Variants in NRXN3 observed in about 807,000 individuals in gnomAD.
The protein encoded by NRXN3 is neurexin III.
A neutral mutation model predicts 137.6 loss-of-function variants in NRXN3; 32 were observed. The observed-to-expected ratio is 0.23, with a 90% CI of 0.18 to 0.31. The LOEUF (loss-of-function observed/expected upper bound fraction) is 0.31, where lower values mean the gene tolerates loss of function less well. Among genes scored for constraint, NRXN3 ranks in the 10% least tolerant of loss-of-function variants. The pLI is 1.00. For synonymous variants in NRXN3, 798 were observed against 784.5 expected, an observed-to-expected ratio of 1.02 and a Z score of -0.29; for missense variants, 1,574 against 2,062.5, an observed-to-expected ratio of 0.76 and a Z score of 4.59.
chr14:79,219,900 T>C (rs760893506), intron 15 of NRXN3, among the ~76,000 whole-genome samples: 2 of 152,200 alleles, frequency 1.3e-5, no homozygotes, highest in Non-Finnish European at 2.9e-5. Context: ...AGATAAACAC[T>C]ATCTTTCAGA....
intron 8 of NRXN3, among the ~76,000 whole-genome samples, chr14:78,801,667 C>G (rs1266010193): frequency 6.6e-6 from 1 of 152,204 alleles, no homozygotes; most frequent in Non-Finnish European, 1.5e-5. Context: ...CAAACCACAT[C>G]AGATGTTTCT....
intron 15 of NRXN3, among the ~76,000 whole-genome samples, chr14:79,290,534 A>C (rs556594533): frequency 1.2e-4 from 19 of 152,282 alleles, no homozygotes; most frequent in African/African-American, 4.6e-4. Context: ...GTTGCAGCAC[A>C]GTCAACTCAT....
rs2099414484 is a variant in NRXN3 at position 79,861,924 on chromosome 14, A to G, written c.4676A>G (p.His1559Arg). 2 of 1,613,792 alleles carry G rather than the reference A, an allele frequency of 1.2e-6. No homozygotes were observed. Among genetic ancestry groups the G allele is most frequent in the South Asian group, 1.1e-5 (1 of 91,044 alleles). ...KEKQQSSKSG[H>R]KKQKNKDREY... The stretch of plus-strand genomic sequence containing the variant: ...AAGCAGCAGAGCTCGAAGAGCGGCC[A>G]CAAGAAACAGAAAAACAAGGACAGG... Residue 1559 changes from histidine (H) to arginine (R), a missense_variant, in exon 21 of 21, where the codon CAC (histidine) becomes CGC (arginine). His to Arg is a conservative substitution (Grantham distance 29). Transcript: ENST00000335750. This position sits in a 1 kb window ranked among gnomAD's most constrained non-coding sequence, Gnocchi z 5.4.
At chr14:78,956,740 G>A (rs776025344) in intron 10 of NRXN3, among the ~76,000 whole-genome samples, 4 of 152,162 alleles carry the variant, frequency 2.6e-5, no homozygotes, top group Admixed American at 2.6e-4. Context: ...AGGACCCTGT[G>A]TTAATGGAAA....
chr14:79,577,609 A>G (rs1298812992), intron 16 of NRXN3, among the ~76,000 whole-genome samples: 1 of 152,190 alleles, frequency 6.6e-6, no homozygotes, highest in African/African-American at 2.4e-5. Context: ...TACAGTGACT[A>G]TGTATATGTG....
intron 10 of NRXN3, among the ~76,000 whole-genome samples, chr14:78,899,290 A>G (rs2099188015): frequency 6.6e-6 from 1 of 152,014 alleles, no homozygotes; most frequent in Non-Finnish European, 1.5e-5. Flanking sequence ...GACATGAAAT[A>G]GAATCTATCA....
chr14:79,750,276 A>T (rs930546295), intron 19 of NRXN3, among the ~76,000 whole-genome samples: 1 of 152,084 alleles, frequency 6.6e-6, no homozygotes, highest in Non-Finnish European at 1.5e-5. Context: ...TAATAAGACA[A>T]TTTATTTCTA....
At chr14:79,158,823 A>G (rs1229971348) in intron 15 of NRXN3, among the ~76,000 whole-genome samples, 9 of 151,850 alleles carry the variant, frequency 5.9e-5, no homozygotes, top group Admixed American at 5.3e-4. Flanking sequence ...TCTTTTTGAC[A>G]TTATTACCTG....
intron 16 of NRXN3, among the ~76,000 whole-genome samples, chr14:79,631,501 G>T (rs931224122): frequency 3.3e-5 from 5 of 152,216 alleles, no homozygotes; most frequent in Non-Finnish European, 7.3e-5. Flanking sequence ...TCGCTGGCAG[G>T]CAAGGGTTCG....
At chr14:79,631,426 G>T (rs1462995343) in intron 16 of NRXN3, among the ~76,000 whole-genome samples, 1 of 152,258 alleles carries the variant, frequency 6.6e-6, no homozygotes, top group Non-Finnish European at 1.5e-5. Flanking sequence ...GCCAAGGCCT[G>T]CCCTCTGCTG....
At chr14:78,936,958 C>T (rs958898983) in intron 10 of NRXN3, among the ~76,000 whole-genome samples, 2 of 151,980 alleles carry the variant, frequency 1.3e-5, no homozygotes, top group Non-Finnish European at 2.9e-5. Flanking sequence ...AAGTGGCTCA[C>T]GCCTGTAATC....
chr14:79,857,696 A>C (rs1156289865), intron 20 of NRXN3, among the ~76,000 whole-genome samples: 1 of 152,110 alleles, frequency 6.6e-6, no homozygotes, highest in Admixed American at 6.5e-5. Context: ...GGCATTTTTC[A>C]TGTTTACAGT....
rs1594910138 is a variant in NRXN3, at chr14:79,013,497, T to C, written c.3262+25356T>C. On this transcript the variant is annotated intron_variant, in intron 15 of 20. Coordinates refer to ENST00000335750, the MANE Select transcript of NRXN3 (RefSeq NM_001330195.2). ...TGGGTAGACAATGCCCTCACAGGGG[T>C]TATTAACTTCTCCCAGAGAAGCTTT... Among the ~76,000 whole-genome samples, 4 of 152,186 alleles carry C rather than the reference T, an allele frequency of 2.6e-5. 1 individual carries two copies. The South Asian group carries it at 8.3e-4, about 32-fold the overall frequency.
intron 15 of NRXN3, among the ~76,000 whole-genome samples, chr14:79,116,021 A>G (rs1195987974): frequency 6.6e-6 from 1 of 152,212 alleles, no homozygotes; most frequent in East Asian, 1.9e-4. Context: ...AAGGTCACCT[A>G]GATCACAACT....
chr14:79,753,582 AG>A (rs374985469), intron 19 of NRXN3, among the ~76,000 whole-genome samples: 6 of 71,102 alleles, frequency 8.4e-5, no homozygotes, highest in African/African-American at 1.2e-4. Flanking sequence ...GGGTGGGGGG[AG>A]GGGGGAGGGA....
At chr14:78,832,713 G>A (rs1235425412) in intron 10 of NRXN3, among the ~76,000 whole-genome samples, 1 of 152,144 alleles carries the variant, frequency 6.6e-6, no homozygotes, top group Non-Finnish European at 1.5e-5. Flanking sequence ...AAAACAAATG[G>A]AACTCAGCTG....
chr14:78,455,234 A>G (rs186760554), intron 4 of NRXN3, among the ~76,000 whole-genome samples: 1 of 152,124 alleles, frequency 6.6e-6, no homozygotes, highest in African/African-American at 2.4e-5. Flanking sequence ...CTCCTTCTAT[A>G]CTTCCACATC....
chr14:78,897,886 A>G (rs1258210004), intron 10 of NRXN3, among the ~76,000 whole-genome samples: 1 of 151,934 alleles, frequency 6.6e-6, no homozygotes, highest in Non-Finnish European at 1.5e-5. Context: ...ATACCTTATT[A>G]ATTTATGCTT....
At chr14:79,159,242 T>C (rs11845101) in intron 15 of NRXN3, among the ~76,000 whole-genome samples, 39,832 of 151,740 alleles carry the variant, frequency 0.26, 5,606 homozygotes, top group Middle Eastern at 0.31. Flanking sequence ...GCTTTGATTG[T>C]GCTTTGTTTT....
Sources: allele counts gnomAD v4.1 joint callset (sites outside exome capture counted in the v4.1 genomes callset), GRCh38; gene constraint gnomAD v4.1.1; non-coding constraint Gnocchi (gnomAD v3.1); transcripts MANE v1.5; gene names NCBI Gene and HGNC (gene_info 2026-07-23, HGNC 2026-07-21).